The following CTNNAL1 variants were observed in gnomAD, a reference collection of about 807,000 sequenced individuals.
The protein encoded by CTNNAL1 is alpha-catulin.
CTNNAL1 carries 69 observed loss-of-function variants against 93.6 expected under a neutral mutation model. That is an observed-to-expected ratio of 0.74 (90% CI 0.61 to 0.90). CTNNAL1 has a LOEUF of 0.90. CTNNAL1 is among the 40% of genes least tolerant of loss of function. The pLI is 0.00. For synonymous variants in CTNNAL1, 286 were observed against 305.4 expected, an observed-to-expected ratio of 0.94 and a Z score of 0.66; for missense variants, 836 against 862.0, an observed-to-expected ratio of 0.97 and a Z score of 0.38.
At chr9:108,963,330 C>T (rs1830868852) in intron 11 of CTNNAL1, among the ~76,000 whole-genome samples, 1 of 152,200 alleles carries the variant, frequency 6.6e-6, no homozygotes, top group African/African-American at 2.4e-5. Context: ...AGGAAGGGGG[C>T]TCAGGCCCTT....
chr9:108,959,572 G>A (rs1830776553), intron 11 of CTNNAL1, among the ~76,000 whole-genome samples: 1 of 151,390 alleles, frequency 6.6e-6, no homozygotes, highest in African/African-American at 2.4e-5. Context: ...GTGAGACCCT[G>A]TCTCCAAAAT....
chr9:108,982,702 T>A (rs1370296088), intron 6 of CTNNAL1, among the ~76,000 whole-genome samples: 2 of 152,226 alleles, frequency 1.3e-5, no homozygotes, highest in Non-Finnish European at 2.9e-5. Flanking sequence ...TTGCTTTAAA[T>A]AGATACATTT....
At chr9:108,977,179 A>G (rs920504334) in intron 7 of CTNNAL1, 131 bp from the exon 8 acceptor site, 8 of 435,372 alleles carry the variant, frequency 1.8e-5, no homozygotes, top group African/African-American at 1.4e-4. Flanking sequence ...GATTTTCAAA[A>G]TTTACCTGTT....
chr9:108,992,863 T>A lies in CTNNAL1; in HGVS notation c.332-44A>T, dbSNP rs142584317. ...GGAGAAAGTTAAACAGGCATACAAATTAAAATCTAGACTTCTCTCTAACCT... is the reference window on the plus strand; with the variant it reads ...GGAGAAAGTTAAACAGGCATACAAAATAAAATCTAGACTTCTCTCTAACCT... On this transcript the variant is annotated intron_variant, in intron 2 of 18. Coordinates refer to ENST00000325551, the MANE Select transcript of CTNNAL1 (RefSeq NM_003798.4). 9.8e-5 allele frequency: 153 copies of A among 1,555,354 alleles called. No homozygotes were observed. The African/African-American group carries it at 1.8e-3, about 18-fold the overall frequency.
chr9:108,987,985 T>A (rs906625826), intron 4 of CTNNAL1, among the ~76,000 whole-genome samples: 1 of 152,220 alleles, frequency 6.6e-6, no homozygotes, highest in Non-Finnish European at 1.5e-5. Flanking sequence ...CAGGGACAAT[T>A]TGACTTCCTC....
chr9:109,008,861 T>C (rs1827116725), intron 1 of CTNNAL1, among the ~76,000 whole-genome samples: 1 of 150,880 alleles, frequency 6.6e-6, no homozygotes, highest in Admixed American at 6.6e-5. Flanking sequence ...GTTTTCCTTT[T>C]GATGAACAGA....
At chr9:108,997,492 T>C (rs1393469122) in intron 2 of CTNNAL1, among the ~76,000 whole-genome samples, 1 of 152,222 alleles carries the variant, frequency 6.6e-6, no homozygotes, top group South Asian at 2.1e-4. Flanking sequence ...AAACAATATG[T>C]CTTTCATCTG....
chr9:108,990,908 G>A (rs1188901132), intron 3 of CTNNAL1, 63 bp from the exon 4 acceptor site: 1 of 1,531,850 alleles, frequency 6.5e-7, no homozygotes, highest in African/African-American at 1.4e-5. Flanking sequence ...GATTGTCAAG[G>A]CTGAGTAGAG....
intron 6 of CTNNAL1, 151 bp from the exon 7 acceptor site, chr9:108,979,632 C>T (rs1446361424): frequency 2.3e-5 from 16 of 700,928 alleles, no homozygotes; most frequent in South Asian, 1.9e-4. Context: ...TATCTATATT[C>T]GCCACTAACC....
chr9:108,974,432 C>A (rs1387250191), intron 8 of CTNNAL1, among the ~76,000 whole-genome samples: 1 of 152,006 alleles, frequency 6.6e-6, no homozygotes. Context: ...AAAACCATGT[C>A]TTTCTATGTT....
chr9:108,958,829 G>A (rs911430084), intron 11 of CTNNAL1, among the ~76,000 whole-genome samples: 4 of 151,556 alleles, frequency 2.6e-5, no homozygotes, highest in South Asian at 2.1e-4. Context: ...GGGTTCAAGC[G>A]ATTCTCGTGC....
chr9:108,950,800 C>T (rs961373597), intron 14 of CTNNAL1: 12 of 605,636 alleles, frequency 2.0e-5, no homozygotes, highest in Non-Finnish European at 3.0e-5. Context: ...AACTGGTCTT[C>T]CATGTGTTTT....
chr9:108,959,741 T>C (rs987575527), intron 11 of CTNNAL1, among the ~76,000 whole-genome samples: 8 of 152,182 alleles, frequency 5.3e-5, no homozygotes, highest in African/African-American at 1.9e-4. Flanking sequence ...ATATATAGAA[T>C]TGTCTTCAAA....
At position 108,943,019 on chromosome 9, in the gene CTNNAL1, C is replaced by G. The variant is rs1340694603; in HGVS notation, c.2081G>C (p.Arg694Thr). The G allele has an allele frequency of 1.2e-6, 2 of 1,612,322 alleles. No individual in the cohort carries two copies. Among genetic ancestry groups the G allele is most frequent in the African/African-American group, 1.3e-5 (1 of 74,846 alleles). Reference protein sequence around the residue: ...LKVDKCITKTRSMMALLVQLL... With the variant: ...LKVDKCITKTTSMMALLVQLL... ...TTGGACTAAGAGAGCCATCATGGAT[C>G]TTGTCTTCGTAATACACTTGTCAAC... is the stretch of plus-strand genomic sequence containing the variant. Residue 694 changes from arginine (R) to threonine (T), a missense_variant, in exon 18 of 19, where the codon AGA (arginine) becomes ACA (threonine). Coordinates refer to ENST00000325551, the MANE Select transcript of CTNNAL1 (RefSeq NM_003798.4).
intron 15 of CTNNAL1, among the ~76,000 whole-genome samples, chr9:108,945,750 C>T (rs1587939655): frequency 1.3e-5 from 2 of 152,046 alleles, no homozygotes; most frequent in East Asian, 1.9e-4. Flanking sequence ...GCTAGGGTTA[C>T]AGGAGTGAGC....
intron 1 of CTNNAL1, among the ~76,000 whole-genome samples, chr9:109,009,094 C>T (rs988521386): frequency 1.3e-5 from 2 of 151,784 alleles, no homozygotes; most frequent in Admixed American, 6.6e-5. Flanking sequence ...CGGGGTTTCA[C>T]CATGTTGCCC....
intron 12 of CTNNAL1, 60 bp from the exon 13 acceptor site, chr9:108,952,554 TACAATA>T: frequency 6.3e-7 from 1 of 1,592,238 alleles, no homozygotes; most frequent in Middle Eastern, 1.7e-4. Flanking sequence ...TGTAAGGAAA[TACAATA>T]GTAATACAAA....
chr9:109,004,158 A>G (rs1826941083), intron 1 of CTNNAL1, among the ~76,000 whole-genome samples: 1 of 152,164 alleles, frequency 6.6e-6, no homozygotes, highest in African/African-American at 2.4e-5. Context: ...TCACATCATG[A>G]GCCTAAGGAA....
intron 4 of CTNNAL1, 138 bp from the exon 5 acceptor site, chr9:108,984,574 G>C (rs1005161814): frequency 5.6e-6 from 3 of 539,362 alleles, no homozygotes; most frequent in Admixed American, 6.9e-5. Context: ...CCAGGATAAA[G>C]TTTTACAAAC....
Sources: allele counts gnomAD v4.1 joint callset (sites outside exome capture counted in the v4.1 genomes callset), GRCh38; gene constraint gnomAD v4.1.1; transcripts MANE v1.5; gene names NCBI Gene and HGNC (gene_info 2026-07-23, HGNC 2026-07-21).